Variants in PKP4 observed in about 807,000 individuals in gnomAD.
PKP4 encodes the protein plakophilin 4.
A neutral mutation model predicts 145.1 loss-of-function variants in PKP4; 90 were observed. The observed-to-expected ratio is 0.62, with a 90% CI of 0.52 to 0.74. The LOEUF is 0.74. Ranked by LOEUF, PKP4 falls within the 30% of genes least tolerant of loss-of-function variation. The pLI, the probability that PKP4 is intolerant of heterozygous loss-of-function variation, is 0.00. For missense variants in PKP4, 1,340 were observed against 1,482.7 expected (o/e 0.90, Z 1.58); for synonymous variants, 563 against 577.2 (o/e 0.98, Z 0.35).
intron 2 of PKP4, among the ~76,000 whole-genome samples, chr2:158,558,265 C>T (rs909297528): frequency 8.5e-5 from 13 of 152,110 alleles, no homozygotes; most frequent in African/African-American, 2.7e-4. Flanking sequence ...TAGTACATTT[C>T]GGCCGATGCT....
intron 11 of PKP4, among the ~76,000 whole-genome samples, chr2:158,656,367 C>CT (rs397748255): frequency 1.3e-3 from 2 of 1,498 alleles, no homozygotes; most frequent in Non-Finnish European, 2.7e-3. Context: ...TGCCTTCTAA[C>CT]GGGACCCTAG....
intron 2 of PKP4, among the ~76,000 whole-genome samples, chr2:158,540,558 G>T (rs895147865): frequency 6.6e-6 from 1 of 152,060 alleles, no homozygotes; most frequent in African/African-American, 2.4e-5. Flanking sequence ...GAATGCAGAG[G>T]CACAAACCGT....
intron 1 of PKP4, among the ~76,000 whole-genome samples, chr2:158,517,440 T>C (rs2042023250): frequency 6.6e-6 from 1 of 152,216 alleles, no homozygotes; most frequent in Admixed American, 6.5e-5. Context: ...TATTTCCTCA[T>C]TTATCTCACA....
At chr2:158,652,167 T>C (rs2055425496) in intron 11 of PKP4, among the ~76,000 whole-genome samples, 1 of 152,236 alleles carries the variant, frequency 6.6e-6, no homozygotes, top group African/African-American at 2.4e-5. Context: ...ATATAAAAAT[T>C]ATTAATATTT....
At chr2:158,630,226 A>T (rs2053227784) in intron 7 of PKP4, among the ~76,000 whole-genome samples, 1 of 152,224 alleles carries the variant, frequency 6.6e-6, no homozygotes, top group African/African-American at 2.4e-5. Flanking sequence ...CATAATATAG[A>T]AAATATTCAG....
chr2:158,487,587 T>C (rs1164312944), intron 1 of PKP4, among the ~76,000 whole-genome samples: 1 of 152,168 alleles, frequency 6.6e-6, no homozygotes, highest in Admixed American at 6.5e-5. Context: ...AAGTAAAATG[T>C]TTATATAATT....
chr2:158,615,728 T>G (rs945745302), intron 4 of PKP4, among the ~76,000 whole-genome samples: 10 of 152,234 alleles, frequency 6.6e-5, no homozygotes, highest in Non-Finnish European at 1.3e-4. Flanking sequence ...TACTATAGAT[T>G]CGAATCCAGG....
At chr2:158,484,985 C>G (rs1331266315) in intron 1 of PKP4, among the ~76,000 whole-genome samples, 1 of 152,220 alleles carries the variant, frequency 6.6e-6, no homozygotes, top group Non-Finnish European at 1.5e-5. Flanking sequence ...GTATACCTCA[C>G]TCAGTTCTCC....
intron 1 of PKP4, among the ~76,000 whole-genome samples, chr2:158,496,713 A>T (rs963119393): frequency 6.6e-6 from 1 of 151,320 alleles, no homozygotes; most frequent in Non-Finnish European, 1.5e-5. Context: ...TGAGAGTCTC[A>T]GTCAGTGTCT....
At chr2:158,485,556 A>G (rs1296990736) in intron 1 of PKP4, among the ~76,000 whole-genome samples, 1 of 152,354 alleles carries the variant, frequency 6.6e-6, no homozygotes, top group South Asian at 2.1e-4. Context: ...GCCCATTACA[A>G]GCACCTGAAG....
chr2:158,658,113 T>C lies in PKP4; in HGVS notation c.1910-18T>C. On this transcript the variant is annotated intron_variant, in intron 11 of 21. Coordinates refer to ENST00000389759, the MANE Select transcript of PKP4 (RefSeq NM_003628.6). ...ACAGGATCTCTATTTGTTTGATTTTTTAAATCTCCTTTTTTAGGAGTTCTT... is the reference window on the plus strand; with the variant it reads ...ACAGGATCTCTATTTGTTTGATTTTCTAAATCTCCTTTTTTAGGAGTTCTT... 1.4e-6 allele frequency: 2 copies of C among 1,461,992 alleles called. No homozygotes were observed. The highest frequency in any genetic ancestry group is 1.9e-6 in the Non-Finnish European group (2 of 1,052,824). The allele number at this position is 1,461,992 out of a possible 1,614,324, so 90.6% of individuals were successfully genotyped here. A position where few individuals can be genotyped will look rare whatever the true frequency, so the allele number is the denominator to read the frequency against.
intron 4 of PKP4, among the ~76,000 whole-genome samples, chr2:158,619,153 A>G (rs2105887743): frequency 6.6e-6 from 1 of 152,318 alleles, no homozygotes; most frequent in East Asian, 1.9e-4. Flanking sequence ...TATTTTACTT[A>G]GTCCTTAGCA....
chr2:158,514,394 T>C (rs2041766543), intron 1 of PKP4, among the ~76,000 whole-genome samples: 6 of 152,250 alleles, frequency 3.9e-5, no homozygotes, highest in Admixed American at 3.9e-4. Flanking sequence ...TTTTTTCTTG[T>C]ACTTTCTTCA....
chr2:158,499,639 C>A (rs1319047368), intron 1 of PKP4, among the ~76,000 whole-genome samples: 2 of 152,176 alleles, frequency 1.3e-5, no homozygotes, highest in Admixed American at 1.3e-4. Context: ...CACCACTGAC[C>A]CCTCCTGCCA....
chr2:158,664,303 G>A (rs1424667462), intron 15 of PKP4, among the ~76,000 whole-genome samples: 1 of 152,190 alleles, frequency 6.6e-6, no homozygotes, highest in Non-Finnish European at 1.5e-5. Flanking sequence ...TTACAGACAT[G>A]CCTGTGTCTA....
At chr2:158,464,134 G>A (rs1442156624) in intron 1 of PKP4, among the ~76,000 whole-genome samples, 1 of 152,226 alleles carries the variant, frequency 6.6e-6, no homozygotes, top group Non-Finnish European at 1.5e-5. Context: ...GAAGGGACTA[G>A]TCTTGTTACA....
intron 2 of PKP4, among the ~76,000 whole-genome samples, chr2:158,574,288 T>C (rs956251903): frequency 6.6e-6 from 1 of 152,184 alleles, no homozygotes; most frequent in Non-Finnish European, 1.5e-5. Context: ...TTTTTTCTTC[T>C]CACAAAAGAA....
rs772237064 is a variant in PKP4 at position 158,662,862 on chromosome 2, A to T, written c.2212-35A>T. 1.5e-5 allele frequency: 23 copies of T among 1,555,184 alleles called. No individual in the cohort carries two copies. The East Asian group carries it at 5.2e-4, about 35-fold the overall frequency. On this transcript the variant is annotated intron_variant, in intron 13 of 21. Coordinates refer to ENST00000389759, the MANE Select transcript of PKP4 (RefSeq NM_003628.6). ...AGAAGTGTTTTGCTCTAATGTGCCG[A>T]GTTGTTTTTAATTATACGCCATGCT...
At chr2:158,627,042 A>G (rs2052866876) in intron 7 of PKP4, among the ~76,000 whole-genome samples, 1 of 152,176 alleles carries the variant, frequency 6.6e-6, no homozygotes, top group East Asian at 1.9e-4. Context: ...GTGATTGAAT[A>G]ATTTTGCCTG....
Sources: gnomAD v4.1 joint callset for allele counts (sites outside exome capture counted in the v4.1 genomes callset) on GRCh38, gnomAD v4.1.1 for gene constraint, MANE v1.5 for transcripts, NCBI Gene and HGNC (gene_info 2026-07-23, HGNC 2026-07-21) for gene names.